The following TNKS1BP1 variants were observed in gnomAD, a reference collection of about 807,000 sequenced individuals.
The protein encoded by TNKS1BP1 is CCR4-NOT transcription complex subunit 12.
TNKS1BP1 carries 48 observed loss-of-function variants against 141.1 expected under a neutral mutation model. That is an observed-to-expected ratio of 0.34 (90% CI 0.27 to 0.43). The LOEUF (loss-of-function observed/expected upper bound fraction) is 0.43, where lower values mean the gene tolerates loss of function less well. Ranked by LOEUF, TNKS1BP1 falls within the 20% of genes least tolerant of loss-of-function variation. The probability of loss-of-function intolerance (pLI) is 1.00; values close to 1 mark genes in which losing one functional copy is unlikely to be tolerated. For missense variants in TNKS1BP1, 2,149 were observed against 2,226.0 expected, an observed-to-expected ratio of 0.97 and a Z score of 0.70; for synonymous variants, 875 against 898.2, an observed-to-expected ratio of 0.97 and a Z score of 0.46.
At chr11:57,316,179 TC>T (rs1855796656) in intron 4 of TNKS1BP1, among the ~76,000 whole-genome samples, 2 of 152,168 alleles carry the variant, frequency 1.3e-5, no homozygotes, top group Non-Finnish European at 2.9e-5. Flanking sequence ...TCTGTGCTCA[TC>T]TTACTTGACC....
Position 57,320,355 on chromosome 11 carries a change from G to A in TNKS1BP1, c.452C>T (p.Pro151Leu). 6.2e-7 allele frequency: 1 copy of A among 1,614,170 alleles called. No homozygotes were observed. The highest frequency in any genetic ancestry group is 1.7e-5 in the Admixed American group (1 of 60,022). The change falls in exon 3 of 12, where the codon CCA (proline) becomes CTA (leucine). Residue 151 changes from proline (P) to leucine (L), a missense_variant. Coordinates refer to ENST00000358252, the MANE Select transcript of TNKS1BP1 (RefSeq NM_033396.3). ...GVRKAPAPFR[P>L]ASERFAATTV... Reference sequence around the variant, plus strand: ...GGTGGCCGCGAAGCGCTCTGAGGCTGGGCGGAAAGGGGCAGGGGCCTTCCG... The same window carrying A: ...GGTGGCCGCGAAGCGCTCTGAGGCTAGGCGGAAAGGGGCAGGGGCCTTCCG...
chr11:57,306,687 G>A (rs1189602156), intron 6 of TNKS1BP1, among the ~76,000 whole-genome samples: 2 of 152,120 alleles, frequency 1.3e-5, no homozygotes, highest in African/African-American at 4.8e-5. Flanking sequence ...CTGAACTCGG[G>A]TTAAAGTCAA....
chr11:57,309,254 T>TC lies in TNKS1BP1; in HGVS notation c.3456dup (p.Lys1153GlufsTer11). On this transcript the variant is annotated frameshift_variant, in exon 6 of 12. Transcript: ENST00000358252. LOFTEE classifies it high-confidence loss of function. This position sits in a 1 kb window ranked among gnomAD's most constrained non-coding sequence, Gnocchi z 4.3. ...CAGTCCACCGAGCCAGCTGTGGTCT[T>TC]CCCAGGAGGCACAAAGTGACCACCT... 2 of 1,614,128 alleles carry TC rather than the reference T, an allele frequency of 1.2e-6. No homozygotes were observed. Among genetic ancestry groups the TC allele is most frequent in the Non-Finnish European group, 1.7e-6 (2 of 1,180,018 alleles).
Position 57,310,184 on chromosome 11 carries a change from C to A in TNKS1BP1, c.2527G>T (p.Asp843Tyr). 1 of 1,614,232 alleles carries A rather than the reference C, an allele frequency of 6.2e-7. No homozygotes were observed. The highest frequency in any genetic ancestry group is 2.2e-5 in the East Asian group (1 of 44,878). ...GAATCCCTCTTTCTGAACTCCCAGT[C>A]CTGAACATCTGCCTCCTGGCTCCGC... ...TQRSQEADVQ[D>Y]WEFRKRDSQG... is the part of the protein sequence containing the mutation. The change falls in exon 6 of 12, where the codon GAC becomes TAC. Residue 843 changes from aspartate to tyrosine, a missense_variant. Coordinates refer to ENST00000358252, the MANE Select transcript of TNKS1BP1 (RefSeq NM_033396.3).
chr11:57,300,469 C>T (rs1006861923), intron 11 of TNKS1BP1, 59 bp downstream of exon 11: 10 of 1,552,768 alleles, frequency 6.4e-6, no homozygotes, highest in African/African-American at 1.4e-5. Context: ...ATGAGGCCTC[C>T]GAAGCCTCCA....
chr11:57,316,542 G>A (rs115370771), intron 4 of TNKS1BP1, among the ~76,000 whole-genome samples: 2,488 of 152,172 alleles, frequency 0.016, 76 homozygotes, highest in African/African-American at 0.057. Context: ...AGAAGTCCCC[G>A]TCTCGGCAAC....
In TNKS1BP1 at chr11:57,313,266, CTG is replaced by C; in HGVS notation, c.1420_1421del (p.Gln474ValfsTer28). 2 of 1,613,006 alleles carry C rather than the reference CTG, an allele frequency of 1.2e-6. No individual in the cohort carries two copies. The highest frequency in any genetic ancestry group is 1.7e-6 in the Non-Finnish European group (2 of 1,180,016). On this transcript the variant is annotated frameshift_variant, in exon 5 of 12. Transcript: ENST00000358252. LOFTEE classifies it high-confidence loss of function. ...FGAESNWSLS[Q>X]SFEWTFPTRP... ...TCGTGGGGAAGGTCCATTCGAAGGA[CTG>C]TGATAAGCTCCAGTTGGACTCTGCC...
chr11:57,310,030 A>G lies in TNKS1BP1; in HGVS notation c.2681T>C (p.Leu894Pro). 2 of 1,614,164 alleles carry G rather than the reference A, an allele frequency of 1.2e-6. No individual in the cohort carries two copies. Among genetic ancestry groups the G allele is most frequent in the Non-Finnish European group, 1.7e-6 (2 of 1,180,024 alleles). Residue 894 changes from leucine (L) to proline (P), a missense_variant, in exon 6 of 12, where the codon CTG becomes CCG. Coordinates refer to ENST00000358252, the MANE Select transcript of TNKS1BP1 (RefSeq NM_033396.3). ...GGCATCTTGGCTGGCATAAGCACCCAGAGAATCTCTCTTCCCAAATTCCCA... is the reference window on the plus strand; with the variant it reads ...GGCATCTTGGCTGGCATAAGCACCCGGAGAATCTCTCTTCCCAAATTCCCA... ...GDWEFGKRDSLGAYASQDANE... is the reference protein window; with the variant it reads ...GDWEFGKRDSPGAYASQDANE...
At position 57,302,809 on chromosome 11, in the gene TNKS1BP1, C is replaced by T. The variant is rs1206846441; in HGVS notation, c.4333G>A (p.Ala1445Thr). The part of the protein sequence containing the change: ...SFGASPGRCP[A>T]RPPPSGSQGL... ...TGGGAGCCGGAGGGTGGGGGGCGGGCCGGGCACCTGCCAGGGCTGTAAAGG... is the reference window on the plus strand; with the variant it reads ...TGGGAGCCGGAGGGTGGGGGGCGGGTCGGGCACCTGCCAGGGCTGTAAAGG... Residue 1445 changes from alanine to threonine, a missense_variant, in exon 7 of 12, where the codon GCC (alanine) becomes ACC (threonine). Transcript: ENST00000358252. The surrounding 1 kb of genome is among the most constrained non-coding windows in gnomAD (Gnocchi z 5.5). 2 of 1,537,278 alleles carry T rather than the reference C, an allele frequency of 1.3e-6. No individual in the cohort carries two copies. The highest frequency in any genetic ancestry group is 1.7e-6 in the Non-Finnish European group (2 of 1,145,530).
chr11:57,318,297 G>A (rs947531971), intron 3 of TNKS1BP1, among the ~76,000 whole-genome samples: 2 of 152,226 alleles, frequency 1.3e-5, no homozygotes, highest in South Asian at 2.1e-4. Flanking sequence ...AGTGGGGGAG[G>A]GGAAGAGGAA....
At chr11:57,307,503 T>C (rs1007465255) in intron 6 of TNKS1BP1, among the ~76,000 whole-genome samples, 1 of 151,972 alleles carries the variant, frequency 6.6e-6, no homozygotes, top group Non-Finnish European at 1.5e-5. Context: ...ACCACCATGA[T>C]ATGCTCTAGC....
intron 5 of TNKS1BP1, chr11:57,311,569 A>G: frequency 1.8e-6 from 1 of 568,482 alleles, no homozygotes; most frequent in Non-Finnish European, 2.2e-6. Flanking sequence ...CGGGACAGAC[A>G]CACCTACTAC....
chr11:57,303,930 T>C (rs1263828497), intron 6 of TNKS1BP1, among the ~76,000 whole-genome samples: 1 of 152,014 alleles, frequency 6.6e-6, no homozygotes, highest in Non-Finnish European at 1.5e-5. Flanking sequence ...ACTCTCTCAC[T>C]AACTCATACT....
At chr11:57,319,981 C>A (rs1855856351) in intron 3 of TNKS1BP1, 98 bp downstream of exon 3, 6 of 1,517,336 alleles carry the variant, frequency 4.0e-6, no homozygotes, top group Non-Finnish European at 5.3e-6. Flanking sequence ...AAAGTCACAA[C>A]CCTATATGGG....
At chr11:57,310,611 T>A in intron 5 of TNKS1BP1, 55 bp from the exon 6 acceptor site, 2 of 1,552,114 alleles carry the variant, frequency 1.3e-6, no homozygotes. Flanking sequence ...TCCATCAGGG[T>A]GGGAGTCAAT....
rs1398141999 is a variant in TNKS1BP1 at position 57,310,216 on chromosome 11, C to T, written c.2495G>A (p.Gly832Asp). The T allele has an allele frequency of 1.2e-6, 2 of 1,614,202 alleles. No homozygotes were observed. Among genetic ancestry groups the T allele is most frequent in the South Asian group, 1.1e-5 (1 of 91,086 alleles). The change falls in exon 6 of 12, where the codon GGC becomes GAC. Residue 832 changes from glycine to aspartate, a missense_variant. Transcript: ENST00000358252. ...DRVVGKPAQL[G>D]TQRSQEADVQ... ...ATCTGCCTCCTGGCTCCGCTGAGTG[C>T]CAAGCTGGGCTGGCTTTCCAACTAC...
intron 4 of TNKS1BP1, among the ~76,000 whole-genome samples, chr11:57,317,527 C>A (rs1855816225): frequency 6.6e-6 from 1 of 152,196 alleles, no homozygotes; most frequent in South Asian, 2.1e-4. Flanking sequence ...GTTAACGTTC[C>A]CAGGACAGGC....
Position 57,302,292 on chromosome 11 carries a change from T to C in TNKS1BP1, c.4684-68A>G, listed in dbSNP as rs559830799. 2.7e-4 allele frequency: 418 copies of C among 1,562,658 alleles called. 4 individuals carry two copies. The Middle Eastern group carries it at 4.1e-3, about 15-fold the overall frequency. Reference sequence around the variant, plus strand: ...CCCACGGGAGCCCCTCAACAGTAGCTGACCAGGAGCTGGACCCCTCCTGCA... The same window carrying C: ...CCCACGGGAGCCCCTCAACAGTAGCCGACCAGGAGCTGGACCCCTCCTGCA... On this transcript the variant is annotated intron_variant, in intron 7 of 11. Transcript: ENST00000358252. This position sits in a 1 kb window ranked among gnomAD's most constrained non-coding sequence, Gnocchi z 5.5.
At position 57,313,300 on chromosome 11, in the gene TNKS1BP1, G is replaced by A; in HGVS notation, c.1388C>T (p.Pro463Leu). 6.2e-7 allele frequency: 1 copy of A among 1,613,022 alleles called. No homozygotes were observed. Among genetic ancestry groups the A allele is most frequent in the Non-Finnish European group, 8.5e-7 (1 of 1,180,030 alleles). ...GQGSQLALDR[P>L]FGAESNWSLS... is the part of the protein sequence containing the mutation. ...GCTCCAGTTGGACTCTGCCCCAAAGGGACGATCCAGGGCCAACTGGCTCCC... is the reference window on the plus strand; with the variant it reads ...GCTCCAGTTGGACTCTGCCCCAAAGAGACGATCCAGGGCCAACTGGCTCCC... The change falls in exon 5 of 12, where the codon CCC (proline) becomes CTC (leucine). Residue 463 changes from proline (P) to leucine (L), a missense_variant. Pro to Leu is a moderately conservative substitution (Grantham distance 98, BLOSUM62 -3). Coordinates refer to ENST00000358252, the MANE Select transcript of TNKS1BP1 (RefSeq NM_033396.3).
Sources: gnomAD v4.1 joint callset for allele counts (sites outside exome capture counted in the v4.1 genomes callset) on GRCh38, gnomAD v4.1.1 for gene constraint, Gnocchi (gnomAD v3.1) non-coding constraint, MANE v1.5 for transcripts, NCBI Gene and HGNC (gene_info 2026-07-23, HGNC 2026-07-21) for gene names.